MGLL: variants seen among roughly 807,000 people sequenced by gnomAD.
MGLL encodes the protein lysophospholipase homolog.
Under a neutral mutation model 29.1 loss-of-function variants are expected in MGLL, and 7 were observed. The ratio of observed to expected loss-of-function variants is 0.24; its 90% CI spans 0.14 to 0.45. The LOEUF is 0.45. Ranked by LOEUF, MGLL falls within the 20% of genes least tolerant of loss-of-function variation. The probability of loss-of-function intolerance (pLI) is 0.99; values close to 1 mark genes in which losing one functional copy is unlikely to be tolerated. For synonymous variants in MGLL, 148 were observed against 168.3 expected (o/e 0.88, Z 0.93); for missense variants, 356 against 413.6 (o/e 0.86, Z 1.21).
At chr3:127,812,979 G>A (rs924566829) in intron 2 of MGLL, among the ~76,000 whole-genome samples, 10 of 152,086 alleles carry the variant, frequency 6.6e-5, no homozygotes, top group South Asian at 2.1e-4. Context: ...CAAGATTGAC[G>A]GAAGAGGATA....
chr3:127,803,429 T>G (rs2077513163), intron 2 of MGLL, among the ~76,000 whole-genome samples: 1 of 152,230 alleles, frequency 6.6e-6, no homozygotes, highest in African/African-American at 2.4e-5. Context: ...TAATTCTCCT[T>G]GGTGCCAACC....
intron 6 of MGLL, among the ~76,000 whole-genome samples, chr3:127,710,237 C>T (rs2075685202): frequency 6.6e-6 from 1 of 152,234 alleles, no homozygotes; most frequent in Non-Finnish European, 1.5e-5. Flanking sequence ...CCAGCCATGT[C>T]TGAAGCCTTC....
intron 3 of MGLL, among the ~76,000 whole-genome samples, chr3:127,735,501 GAGTA>G (rs1273416282): frequency 6.6e-6 from 1 of 152,214 alleles, no homozygotes; most frequent in Non-Finnish European, 1.5e-5. Context: ...ACAGAAGACT[GAGTA>G]AGTATGACTC....
At chr3:127,786,480 G>A (rs1444132694) in intron 2 of MGLL, among the ~76,000 whole-genome samples, 1 of 152,230 alleles carries the variant, frequency 6.6e-6, no homozygotes, top group Non-Finnish European at 1.5e-5. Context: ...GTCGTTCAGG[G>A]AGAAGGCAAT....
At chr3:127,760,828 T>C (rs1247148799) in intron 3 of MGLL, among the ~76,000 whole-genome samples, 1 of 152,232 alleles carries the variant, frequency 6.6e-6, no homozygotes, top group Non-Finnish European at 1.5e-5. Context: ...GACTGTGAGC[T>C]TGAATAAATC....
intron 3 of MGLL, among the ~76,000 whole-genome samples, chr3:127,773,397 C>T (rs1300735203): frequency 6.6e-6 from 1 of 152,376 alleles, no homozygotes; most frequent in East Asian, 1.9e-4. Context: ...GTCTCACCTC[C>T]TGGCAGCGCT....
intron 2 of MGLL, among the ~76,000 whole-genome samples, chr3:127,807,606 C>A (rs925282791): frequency 6.6e-6 from 1 of 151,832 alleles, no homozygotes; most frequent in African/African-American, 2.4e-5. Flanking sequence ...TGGTTGGTAA[C>A]TCTGTCAGTG....
intron 3 of MGLL, among the ~76,000 whole-genome samples, chr3:127,780,034 C>T (rs1467246289): frequency 6.6e-6 from 1 of 152,210 alleles, no homozygotes; most frequent in African/African-American, 2.4e-5. Context: ...AGGTGAACAC[C>T]AACAGCCATT....
chr3:127,693,232 A>G (rs1456858847), intron 7 of MGLL, among the ~76,000 whole-genome samples: 2 of 152,106 alleles, frequency 1.3e-5, no homozygotes, highest in African/African-American at 4.8e-5. Context: ...GTCGTCCTTC[A>G]TGACAGTGAT....
intron 2 of MGLL, among the ~76,000 whole-genome samples, chr3:127,803,577 A>G (rs765933204): frequency 6.6e-6 from 1 of 152,322 alleles, no homozygotes; most frequent in Non-Finnish European, 1.5e-5. Context: ...CATATATGTC[A>G]GGGCAAAAAA....
chr3:127,734,882 C>A (rs891737112), intron 3 of MGLL, among the ~76,000 whole-genome samples: 2 of 152,264 alleles, frequency 1.3e-5, no homozygotes, highest in African/African-American at 4.8e-5. Flanking sequence ...CCTTCCCTTA[C>A]AATTTGGGTG....
At position 127,737,630 on chromosome 3, in the gene MGLL, C is replaced by CTTTTTTTTTTTTTTT. The variant is rs774965066; in HGVS notation, c.263-15079_263-15065dup. On this transcript the variant is annotated intron_variant, in intron 3 of 7. Transcript: ENST00000265052. ...GACACAGTGAAATCATCAACTGCTT[C>CTTTTTTTTTTTTTTT]TTTTTTTTTTTTTTTTTTTTTTTTT... Among the ~76,000 whole-genome samples, 253 of 68,600 alleles carry CTTTTTTTTTTTTTTT rather than the reference C, an allele frequency of 3.7e-3. 34 individuals are homozygous for CTTTTTTTTTTTTTTT. The highest frequency in any genetic ancestry group is 0.012 in the East Asian group (21 of 1,812). 45.0% of individuals were successfully genotyped at this position (68,600 alleles called of 152,430 possible). A position where few individuals can be genotyped will look rare whatever the true frequency, so the allele number is the denominator to read the frequency against.
intron 3 of MGLL, among the ~76,000 whole-genome samples, chr3:127,751,822 G>A (rs1327654284): frequency 6.6e-6 from 1 of 152,170 alleles, no homozygotes; most frequent in Non-Finnish European, 1.5e-5. Context: ...TTTCATTTTA[G>A]AATCTGTGGC....
chr3:127,783,587 C>T (rs1427144970), intron 2 of MGLL, among the ~76,000 whole-genome samples: 2 of 152,230 alleles, frequency 1.3e-5, no homozygotes, highest in Non-Finnish European at 2.9e-5. Context: ...TGTGTAAGGC[C>T]AGAATGGCAC....
chr3:127,704,089 C>G (rs568816357), intron 6 of MGLL, among the ~76,000 whole-genome samples: 378 of 152,334 alleles, frequency 2.5e-3, no homozygotes, highest in African/African-American at 8.7e-3. Flanking sequence ...CTACAACCAT[C>G]TGATCTTTAA....
intron 3 of MGLL, among the ~76,000 whole-genome samples, chr3:127,748,885 T>A (rs2076504017): frequency 2.0e-5 from 3 of 152,214 alleles, no homozygotes; most frequent in Admixed American, 2.0e-4. Context: ...GTGACTCTGT[T>A]CTTTTGCAAA....
At chr3:127,786,894 G>T (rs1365911958) in intron 2 of MGLL, among the ~76,000 whole-genome samples, 1 of 152,216 alleles carries the variant, frequency 6.6e-6, no homozygotes, top group Non-Finnish European at 1.5e-5. Context: ...CTTGCCGGGT[G>T]AGCCACTTGC....
intron 3 of MGLL, among the ~76,000 whole-genome samples, chr3:127,728,869 T>C (rs1054375096): frequency 6.6e-6 from 1 of 152,182 alleles, no homozygotes; most frequent in Non-Finnish European, 1.5e-5. Flanking sequence ...CTCTTTCTCT[T>C]GGCATGACCA....
intron 3 of MGLL, among the ~76,000 whole-genome samples, chr3:127,776,499 G>A (rs1251049846): frequency 1.3e-5 from 2 of 152,116 alleles, no homozygotes; most frequent in Admixed American, 1.3e-4. Flanking sequence ...CCCACTCTCC[G>A]ACAAGACCCG....
Sources: gnomAD v4.1 joint callset for allele counts (sites outside exome capture counted in the v4.1 genomes callset) on GRCh38, gnomAD v4.1.1 for gene constraint, MANE v1.5 for transcripts, NCBI Gene and HGNC (gene_info 2026-07-23, HGNC 2026-07-21) for gene names.